DEAF1: variants seen among roughly 807,000 people sequenced by gnomAD.
DEAF1 encodes deformed epidermal autoregulatory factor 1 homolog.
DEAF1 carries 53 observed loss-of-function variants against 58.9 expected under a neutral mutation model. That is an observed-to-expected ratio of 0.90 (90% CI 0.72 to 1.13). The LOEUF (loss-of-function observed/expected upper bound fraction) is 1.13. DEAF1 is among the 50% of genes most tolerant of loss of function. The probability of loss-of-function intolerance (pLI) is 0.00; values close to 1 mark genes in which losing one functional copy is unlikely to be tolerated. For synonymous variants in DEAF1, 385 were observed against 340.4 expected, an observed-to-expected ratio of 1.13 and a Z score of -1.44; for missense variants, 685 against 791.4, an observed-to-expected ratio of 0.87 and a Z score of 1.61.
chr11:700,067 C>G (rs1861373270), upstream of DEAF1: 1 of 1,226,554 alleles, frequency 8.2e-7, no homozygotes, highest in Admixed American at 1.8e-5. Flanking sequence ...ATGACAGAAC[C>G]AGCCCCTCTT....
intron 11 of DEAF1, among the ~76,000 whole-genome samples, chr11:650,373 CAAAAAAAAAA>C (rs796351710): frequency 4.5e-4 from 10 of 22,246 alleles, no homozygotes; most frequent in African/African-American, 1.6e-3. Context: ...CAGTCCGTCT[CAAAAAAAAAA>C]AAAAAAAAAA....
At chr11:656,919 T>C (rs2133302631) in intron 10 of DEAF1, among the ~76,000 whole-genome samples, 1 of 152,248 alleles carries the variant, frequency 6.6e-6, no homozygotes, top group African/African-American at 2.4e-5. Context: ...AGAAGGAGCT[T>C]TGGGGTCTGA....
chr11:700,250 G>A (rs1333687529), intron 1 of DEAF1: 2 of 1,606,164 alleles, frequency 1.2e-6, no homozygotes, highest in East Asian at 4.5e-5. Flanking sequence ...GTCAGGGACG[G>A]GCACAGTGGC....
At chr11:652,268 C>G (rs1222260691) in intron 11 of DEAF1, among the ~76,000 whole-genome samples, 1 of 152,180 alleles carries the variant, frequency 6.6e-6, no homozygotes, top group African/African-American at 2.4e-5. Context: ...GCACACACTT[C>G]CAAATAACTC....
intron 1 of DEAF1, among the ~76,000 whole-genome samples, chr11:693,289 A>G (rs1306743558): frequency 6.6e-6 from 1 of 152,178 alleles, no homozygotes; most frequent in African/African-American, 2.4e-5. Flanking sequence ...ACGTCAAACC[A>G]GAGTTTAGCG....
chr11:703,016 C>G, intron 1 of DEAF1: 1 of 1,612,548 alleles, frequency 6.2e-7, no homozygotes, highest in Non-Finnish European at 8.5e-7. Context: ...TGGCACCGCC[C>G]TCCTCTCTGC....
chr11:702,836 C>T (rs144092442), intron 1 of DEAF1: 11,610 of 1,087,258 alleles, frequency 0.011, 90 homozygotes, highest in Non-Finnish European at 0.013. Context: ...CCCGGAGGAA[C>T]GTAGGGCAAG....
intron 1 of DEAF1, chr11:703,218 C>T: frequency 6.7e-7 from 1 of 1,500,102 alleles, no homozygotes; most frequent in South Asian, 1.3e-5. Flanking sequence ...CCAGCTGTCA[C>T]CTCCCCATTC....
intron 10 of DEAF1, among the ~76,000 whole-genome samples, chr11:654,916 A>G (rs896055940): frequency 6.6e-6 from 1 of 151,210 alleles, no homozygotes; most frequent in Non-Finnish European, 1.5e-5. Flanking sequence ...CATGCCTGTA[A>G]TCCCAGCACT....
chr11:657,161 A>G (rs1228623493), intron 10 of DEAF1, among the ~76,000 whole-genome samples: 1 of 152,030 alleles, frequency 6.6e-6, no homozygotes, highest in East Asian at 1.9e-4. Flanking sequence ...ACTTCCCAAT[A>G]AAAGGACCTG....
intron 11 of DEAF1, among the ~76,000 whole-genome samples, chr11:649,054 C>G (rs149269227): frequency 6.6e-6 from 1 of 152,184 alleles, no homozygotes; most frequent in South Asian, 2.1e-4. Context: ...AGTTCAAGAC[C>G]AGCCTGGCCA....
At chr11:649,111 CATG>C (rs1858637968) in intron 11 of DEAF1, among the ~76,000 whole-genome samples, 1 of 151,992 alleles carries the variant, frequency 6.6e-6, no homozygotes, top group Non-Finnish European at 1.5e-5. Flanking sequence ...ATTAGCCTGG[CATG>C]GTGGTGCATG....
chr11:661,934 A>G (rs1313249071), intron 10 of DEAF1, among the ~76,000 whole-genome samples: 1 of 152,140 alleles, frequency 6.6e-6, no homozygotes. Flanking sequence ...TGTCCAACCC[A>G]CAGCCCGCGG....
chr11:683,184 C>T (rs1419220568), intron 6 of DEAF1, among the ~76,000 whole-genome samples: 1 of 152,164 alleles, frequency 6.6e-6, no homozygotes, highest in Non-Finnish European at 1.5e-5. Context: ...CATCACACCA[C>T]CACTCCCCAA....
chr11:670,420 A>AG (rs1859760092), intron 10 of DEAF1, among the ~76,000 whole-genome samples: 3 of 138,250 alleles, frequency 2.2e-5, no homozygotes, highest in Non-Finnish European at 4.7e-5. Flanking sequence ...TTTTTTTTTT[A>AG]AAGTATTTTT....
chr11:672,449 T>C (rs528213832), intron 10 of DEAF1, among the ~76,000 whole-genome samples: 1 of 152,210 alleles, frequency 6.6e-6, no homozygotes, highest in Non-Finnish European at 1.5e-5. Context: ...ACCCCTAACA[T>C]TGAATACGGC....
At chr11:658,949 C>T (rs1448694249) in intron 10 of DEAF1, among the ~76,000 whole-genome samples, 1 of 152,234 alleles carries the variant, frequency 6.6e-6, no homozygotes, top group Admixed American at 6.5e-5. Flanking sequence ...AGACAAATTA[C>T]AGATAACAAA....
chr11:678,767 G>A lies in DEAF1; in HGVS notation c.1182C>T (p.Tyr394=), dbSNP rs202179285. The A allele has an allele frequency of 9.0e-5, 145 of 1,614,066 alleles. No individual in the cohort carries two copies. The highest frequency in any genetic ancestry group is 6.0e-5 in the Non-Finnish European group (71 of 1,180,020). Residue 394 remains tyrosine, a synonymous_variant, in exon 9 of 12, where the codon TAC becomes TAT. Coordinates refer to ENST00000382409, the MANE Select transcript of DEAF1 (RefSeq NM_021008.4). ...PCRASHPEPH[Y]PGYQDSCQIA... is the part of the protein sequence containing the mutation. ...TCTGGCAGCTGTCCTGATAGCCGGG[G>A]TAGTGAGGCTCAGGGTGGCTGGCCC... is the stretch of plus-strand genomic sequence containing the variant.
chr11:687,045 C>T (rs1462659239), intron 4 of DEAF1, 48 bp from the exon 5 acceptor site: 5 of 1,611,736 alleles, frequency 3.1e-6, no homozygotes, highest in East Asian at 2.2e-5. Flanking sequence ...GGAACGTCAC[C>T]TCTGCCATTG....
Sources: gnomAD v4.1 joint callset for allele counts (sites outside exome capture counted in the v4.1 genomes callset) on GRCh38, gnomAD v4.1.1 for gene constraint, MANE v1.5 for transcripts, NCBI Gene and HGNC (gene_info 2026-07-23, HGNC 2026-07-21) for gene names.